Variants in FDFT1 observed in about 807,000 individuals in gnomAD.
FDFT1 encodes squalene synthase.
A neutral mutation model predicts 46.8 loss-of-function variants in FDFT1; 68 were observed. The observed-to-expected ratio is 1.45, with a 90% CI of 1.19 to 1.78. The LOEUF is 1.78. FDFT1 is among the 40% of genes most tolerant of loss of function. FDFT1 has a pLI of 0.00. For synonymous variants in FDFT1, 351 were observed against 185.1 expected, an observed-to-expected ratio of 1.90 and a Z score of -7.28; for missense variants, 928 against 524.4, an observed-to-expected ratio of 1.77 and a Z score of -7.52.
At chr8:11,806,773 C>T (rs1183670983) in intron 1 of FDFT1, among the ~76,000 whole-genome samples, 1 of 152,112 alleles carries the variant, frequency 6.6e-6, no homozygotes, top group Non-Finnish European at 1.5e-5. Context: ...TGAAATCCTG[C>T]CTCTCGATAT....
rs549638325 is a variant in FDFT1 at position 11,818,260 on chromosome 8, T to TGAGCA, written c.382-3488_382-3484dup. Reference sequence around the variant, plus strand: ...GTAATTTCTGTTCTTTTACATTTGCTGAGCAGTGTTTTTCTTCCAATTCTG... The same window carrying TGAGCA: ...GTAATTTCTGTTCTTTTACATTTGCTGAGCAGAGCAGTGTTTTTCTTCCAATTCTG... On this transcript the variant is annotated intron_variant, in intron 3 of 7. Coordinates refer to ENST00000220584, the MANE Select transcript of FDFT1 (RefSeq NM_004462.5). Among the ~76,000 whole-genome samples the TGAGCA allele has an allele frequency of 3.9e-4, 59 of 152,358 alleles. 1 individual carries two copies. The Middle Eastern group carries it at 0.01, about 26-fold the overall frequency.
chr8:11,797,453 T>C (rs898075415), upstream of FDFT1, among the ~76,000 whole-genome samples: 7 of 152,014 alleles, frequency 4.6e-5, no homozygotes, highest in African/African-American at 1.7e-4. Flanking sequence ...GTGTGGAACC[T>C]TATCTTACTC....
At chr8:11,799,854 G>A (rs1347984303), upstream of FDFT1, among the ~76,000 whole-genome samples, 1 of 151,758 alleles carries the variant, frequency 6.6e-6, no homozygotes, top group East Asian at 1.9e-4. Flanking sequence ...GCTAAGGCAG[G>A]AGACTCACTT....
chr8:11,830,264 G>A lies in FDFT1; in HGVS notation c.723G>A (p.Lys241=). 1 of 1,614,022 alleles carries A rather than the reference G, an allele frequency of 6.2e-7. No homozygotes were observed. The highest frequency in any genetic ancestry group is 8.5e-7 in the Non-Finnish European group (1 of 1,179,882). The change falls in exon 6 of 8, where the codon AAG becomes AAA. Residue 241 remains lysine (K), a synonymous_variant. Coordinates refer to ENST00000220584, the MANE Select transcript of FDFT1 (RefSeq NM_004462.5). ...WPQEVWSRYV[K]KLGDFAKPEN... ...TCTAGGTTTGGAGCAGGTATGTTAA[G>A]AAGTTAGGGGATTTTGCTAAGCCGG...
intron 4 of FDFT1, 135 bp downstream of exon 4, chr8:11,822,013 A>G (rs569528511): frequency 4.0e-5 from 40 of 1,001,292 alleles, no homozygotes; most frequent in Non-Finnish European, 5.1e-5. Flanking sequence ...TTTAGGTTGA[A>G]TGTCTCATCA....
chr8:11,821,443 T>C (rs1171226447), intron 3 of FDFT1, among the ~76,000 whole-genome samples: 2 of 152,094 alleles, frequency 1.3e-5, no homozygotes, highest in Non-Finnish European at 2.9e-5. Context: ...ATATAAAAAT[T>C]AGCTGGGCGT....
At chr8:11,806,974 T>A (rs1265171327) in intron 1 of FDFT1, among the ~76,000 whole-genome samples, 1 of 152,202 alleles carries the variant, frequency 6.6e-6, no homozygotes, top group Non-Finnish European at 1.5e-5. Context: ...TTATGTGATT[T>A]AAAAGATTGA....
At chr8:11,801,256 A>G (rs557013991), upstream of FDFT1, among the ~76,000 whole-genome samples, 5 of 152,332 alleles carry the variant, frequency 3.3e-5, no homozygotes, top group East Asian at 3.9e-4. Flanking sequence ...CAGGATCCCT[A>G]TAGGTGCTTT....
intron 5 of FDFT1, among the ~76,000 whole-genome samples, chr8:11,829,034 G>T (rs946713344): frequency 1.3e-5 from 2 of 152,268 alleles, no homozygotes; most frequent in East Asian, 3.9e-4. Flanking sequence ...AAGTGGAATT[G>T]CTGGTTCATA....
chr8:11,808,102 T>G (rs1807099891), intron 1 of FDFT1: 1 of 252,698 alleles, frequency 4.0e-6, no homozygotes, highest in Non-Finnish European at 6.3e-6. Flanking sequence ...GATCAGATAC[T>G]GAAGTTGGGG....
intron 7 of FDFT1, among the ~76,000 whole-genome samples, chr8:11,837,717 G>A (rs1811735208): frequency 6.6e-6 from 1 of 152,158 alleles, no homozygotes. Flanking sequence ...CTTGGTGACA[G>A]TGTAGAGCAG....
At chr8:11,811,486 G>A (rs985307423) in intron 3 of FDFT1, among the ~76,000 whole-genome samples, 1 of 152,224 alleles carries the variant, frequency 6.6e-6, no homozygotes. Context: ...AGAAGTGAGG[G>A]AATATGAAAG....
chr8:11,803,647 A>G, intron 1 of FDFT1: 1 of 475,902 alleles, frequency 2.1e-6, no homozygotes, highest in Admixed American at 4.8e-5. Flanking sequence ...GAATAGACAA[A>G]TTCAGCCAAG....
chr8:11,836,150 C>G lies in FDFT1; in HGVS notation c.1033-2238C>G, dbSNP rs532085607. ...CCTGGGTGACAGAGCGAGACACCAT[C>G]TTAAAAAAAAAAAAAAATCTACAAT... On this transcript the variant is annotated intron_variant, in intron 7 of 7. Coordinates refer to ENST00000220584, the MANE Select transcript of FDFT1 (RefSeq NM_004462.5). Among the ~76,000 whole-genome samples the G allele has an allele frequency of 4.3e-3, 272 of 62,694 alleles. 2 individuals are homozygous for G. The highest frequency in any genetic ancestry group is 0.012 in the African/African-American group (263 of 22,504). 41.1% of individuals were successfully genotyped at this position (62,694 alleles called of 152,430 possible). A position where few individuals can be genotyped will look rare whatever the true frequency, so the allele number is the denominator to read the frequency against.
At position 11,826,681 on chromosome 8, in the gene FDFT1, G is replaced by C. The variant is rs553864849; in HGVS notation, c.702+466G>C. On this transcript the variant is annotated intron_variant, in intron 5 of 7. Transcript: ENST00000220584. Reference sequence around the variant, plus strand: ...AATACAAAAATTAGCCGGGCGTGGTGGCAAGGGCTTGTAATCCCAGCTACC... The same window carrying C: ...AATACAAAAATTAGCCGGGCGTGGTCGCAAGGGCTTGTAATCCCAGCTACC... Among the ~76,000 whole-genome samples, 9 of 152,294 alleles carry C rather than the reference G, an allele frequency of 5.9e-5. No individual in the cohort carries two copies. In the South Asian group the frequency reaches 1.9e-3, roughly 32 times the overall value.
rs368991167 is a variant in FDFT1, at chr8:11,838,390, T to A, written c.1035T>A (p.Ile345=). ...KAIIYQYMEE[I]YHRIPDSDPS... ...ATTTTTTCCTGTGTCTTTAACAGAT[T>A]TATCATAGAATCCCCGACTCAGACC... Residue 345 remains isoleucine (I), a splice_region_variant and synonymous_variant, in exon 8 of 8, where the codon ATT becomes ATA. Coordinates refer to ENST00000220584, the MANE Select transcript of FDFT1 (RefSeq NM_004462.5). 3.7e-6 allele frequency: 6 copies of A among 1,612,828 alleles called. No individual in the cohort carries two copies. Among genetic ancestry groups the A allele is most frequent in the East Asian group, 4.5e-5 (2 of 44,866 alleles).
intron 5 of FDFT1, among the ~76,000 whole-genome samples, chr8:11,827,097 A>G (rs1042856328): frequency 2.0e-5 from 3 of 152,226 alleles, no homozygotes; most frequent in East Asian, 3.8e-4. Flanking sequence ...AGAAAATTTT[A>G]TGACTGTTCC....
intron 3 of FDFT1, among the ~76,000 whole-genome samples, chr8:11,812,167 G>T (rs80040100): frequency 6.6e-6 from 1 of 152,130 alleles, no homozygotes; most frequent in Middle Eastern, 3.2e-3. Flanking sequence ...GGGATCACTG[G>T]GGCCATGGGA....
chr8:11,824,170 ACCCTT>A (rs554530674), intron 4 of FDFT1, among the ~76,000 whole-genome samples: 23 of 151,882 alleles, frequency 1.5e-4, no homozygotes, highest in Non-Finnish European at 3.1e-4. Flanking sequence ...CCTAACTTTT[ACCCTT>A]CCTAATGACA....
Sources: allele counts gnomAD v4.1 joint callset (sites outside exome capture counted in the v4.1 genomes callset), GRCh38; gene constraint gnomAD v4.1.1; transcripts MANE v1.5; gene names NCBI Gene and HGNC (gene_info 2026-07-23, HGNC 2026-07-21).